EFCAB11: variants seen among roughly 807,000 people sequenced by gnomAD.
EFCAB11 encodes the protein EF-hand calcium binding domain 11.
A neutral mutation model predicts 23.0 loss-of-function variants in EFCAB11; 14 were observed. That is an observed-to-expected ratio of 0.61 (90% CI 0.40 to 0.95). The LOEUF (loss-of-function observed/expected upper bound fraction) is 0.95. Ranked by LOEUF, EFCAB11 falls within the 40% of genes least tolerant of loss-of-function variation. The pLI is 0.00. For synonymous variants in EFCAB11, 65 were observed against 66.6 expected (o/e 0.98, Z 0.11); for missense variants, 198 against 195.8 (o/e 1.01, Z -0.07).
At chr14:89,952,599 T>G (rs1188647544) in intron 2 of EFCAB11, 21 of 985,468 alleles carry the variant, frequency 2.1e-5, no homozygotes, top group Non-Finnish European at 2.5e-5. Flanking sequence ...CCACCTGAGC[T>G]GTTCATGCAA....
chr14:89,868,367 G>A (rs1317109517), intron 5 of EFCAB11, among the ~76,000 whole-genome samples: 1 of 152,202 alleles, frequency 6.6e-6, no homozygotes, highest in Non-Finnish European at 1.5e-5. Flanking sequence ...TTACGTACAG[G>A]ACTATGTGGT....
chr14:89,931,276 T>C (rs1435914878), intron 5 of EFCAB11: 1 of 396,592 alleles, frequency 2.5e-6, no homozygotes, highest in East Asian at 4.1e-5. Flanking sequence ...TTTCTTCCTG[T>C]TCCTCTCCTG....
chr14:89,887,514 A>G (rs1263381713), intron 5 of EFCAB11, among the ~76,000 whole-genome samples: 1 of 152,242 alleles, frequency 6.6e-6, no homozygotes, highest in Admixed American at 6.5e-5. Flanking sequence ...ACATTTAAGT[A>G]AGTGTCATGC....
intron 5 of EFCAB11, among the ~76,000 whole-genome samples, chr14:89,871,983 G>T (rs543494369): frequency 1.3e-5 from 2 of 152,324 alleles, no homozygotes; most frequent in South Asian, 4.1e-4. Context: ...ATTTGGGAAG[G>T]CTAGGCAGTG....
chr14:89,845,515 C>G lies in EFCAB11; in HGVS notation c.411-48191G>C, dbSNP rs1251051031. Among the ~76,000 whole-genome samples, 6 of 152,148 alleles carry G rather than the reference C, an allele frequency of 3.9e-5. 1 individual carries two copies. The South Asian group carries it at 6.2e-4, about 16-fold the overall frequency. The stretch of plus-strand genomic sequence containing the variant: ...AGCAACCTCCTTGCACTTTGAACAG[C>G]CAAGAGCCATCACAGTGACGTGTCT... On this transcript the variant is annotated intron_variant, in intron 5 of 5. Coordinates refer to ENST00000316738, the MANE Select transcript of EFCAB11 (RefSeq NM_145231.4).
At chr14:89,866,464 G>A (rs1312734169) in intron 5 of EFCAB11, among the ~76,000 whole-genome samples, 2 of 152,218 alleles carry the variant, frequency 1.3e-5, no homozygotes, top group Non-Finnish European at 2.9e-5. Context: ...GCTGCCTCCT[G>A]GCCTCTCCAA....
chr14:89,933,630 G>A (rs1890476213), intron 3 of EFCAB11, among the ~76,000 whole-genome samples: 3 of 152,084 alleles, frequency 2.0e-5, no homozygotes, highest in Admixed American at 6.6e-5. Context: ...ATTCCTTTTA[G>A]GACCTACTAT....
intron 5 of EFCAB11, among the ~76,000 whole-genome samples, chr14:89,870,020 T>C (rs1399569938): frequency 1.3e-5 from 2 of 152,220 alleles, no homozygotes; most frequent in African/African-American, 4.8e-5. Flanking sequence ...CCTGACCAGA[T>C]GGAAGACAGA....
chr14:89,820,820 T>C (rs894544005), intron 5 of EFCAB11, among the ~76,000 whole-genome samples: 1 of 152,020 alleles, frequency 6.6e-6, no homozygotes, highest in Non-Finnish European at 1.5e-5. Flanking sequence ...TGATGCCCAG[T>C]TGTTTGATCA....
At position 89,842,608 on chromosome 14, in the gene EFCAB11, ATAT is replaced by A. The variant is rs1887303904; in HGVS notation, c.411-45287_411-45285del. On this transcript the variant is annotated intron_variant, in intron 5 of 5. Coordinates refer to ENST00000316738, the MANE Select transcript of EFCAB11 (RefSeq NM_145231.4). ...AATTAATATGATATAATATGATATGATATGATATGATATGATATGATATGATAT... is the reference window on the plus strand; with the variant it reads ...AATTAATATGATATAATATGATATGAGATATGATATGATATGATATGATAT... Among the ~76,000 whole-genome samples, 8 of 93,160 alleles carry A rather than the reference ATAT, an allele frequency of 8.6e-5. No individual in the cohort carries two copies. The South Asian group carries it at 2.7e-3, about 31-fold the overall frequency. The allele number at this position is 93,160 out of a possible 152,430, so 61.1% of individuals were successfully genotyped here.
intron 5 of EFCAB11, among the ~76,000 whole-genome samples, chr14:89,819,633 T>G (rs1886445386): frequency 1.3e-5 from 2 of 152,046 alleles, no homozygotes; most frequent in African/African-American, 4.8e-5. Flanking sequence ...GATGGGGTCT[T>G]GCTGTGTTGC....
intron 5 of EFCAB11, among the ~76,000 whole-genome samples, chr14:89,872,174 C>T (rs1042285534): frequency 6.6e-6 from 1 of 152,140 alleles, no homozygotes; most frequent in Non-Finnish European, 1.5e-5. Flanking sequence ...AACAAGATGC[C>T]TTCTCATATA....
rs987476823 is a variant in EFCAB11, at chr14:89,851,856, G to A, written c.411-54532C>T. ...GGATGGCAGTTATTTGCAGCAGACGGAAGAGTCACCAAAGAACATGCAGAG... is the reference window on the plus strand; with the variant it reads ...GGATGGCAGTTATTTGCAGCAGACGAAAGAGTCACCAAAGAACATGCAGAG... On this transcript the variant is annotated intron_variant, in intron 5 of 5. Transcript: ENST00000316738. 2.6e-5 allele frequency among the ~76,000 whole-genome samples: 4 copies of A among 152,168 alleles called. No individual in the cohort carries two copies. In the South Asian group the frequency reaches 6.2e-4, roughly 24 times the overall value.
At chr14:89,868,706 C>T (rs1888175106) in intron 5 of EFCAB11, among the ~76,000 whole-genome samples, 1 of 152,074 alleles carries the variant, frequency 6.6e-6, no homozygotes, top group Admixed American at 6.5e-5. Flanking sequence ...TTTTCTGTAG[C>T]CAAATAAAGA....
At chr14:89,858,056 C>T (rs893544095) in intron 5 of EFCAB11, among the ~76,000 whole-genome samples, 2 of 152,306 alleles carry the variant, frequency 1.3e-5, no homozygotes, top group Middle Eastern at 3.4e-3. Context: ...CAGTTTTAAA[C>T]TATGTCCACA....
At chr14:89,836,585 A>G (rs1390166485) in intron 5 of EFCAB11, 10 of 456,530 alleles carry the variant, frequency 2.2e-5, no homozygotes, top group African/African-American at 1.4e-4. Context: ...TGTGCCATAG[A>G]TGTTCCACAT....
intron 5 of EFCAB11, among the ~76,000 whole-genome samples, chr14:89,848,097 A>C (rs1416066275): frequency 6.6e-6 from 1 of 152,230 alleles, no homozygotes; most frequent in Non-Finnish European, 1.5e-5. Context: ...TTCTCCTTTT[A>C]TTGCAGTAAT....
chr14:89,840,608 T>G (rs1887226824), intron 5 of EFCAB11, among the ~76,000 whole-genome samples: 1 of 152,236 alleles, frequency 6.6e-6, no homozygotes, highest in Non-Finnish European at 1.5e-5. Context: ...AAGAAAATAG[T>G]ACCCATTCAT....
chr14:89,885,045 C>T (rs1055101339), intron 5 of EFCAB11, among the ~76,000 whole-genome samples: 1 of 152,174 alleles, frequency 6.6e-6, no homozygotes, highest in Non-Finnish European at 1.5e-5. Context: ...GTTTAAGCCA[C>T]CCAGTCTATG....
Sources: gnomAD v4.1 joint callset for allele counts (sites outside exome capture counted in the v4.1 genomes callset) on GRCh38, gnomAD v4.1.1 for gene constraint, MANE v1.5 for transcripts, NCBI Gene and HGNC (gene_info 2026-07-23, HGNC 2026-07-21) for gene names.